SYT1: variants seen among roughly 807,000 people sequenced by gnomAD.
SYT1 encodes the protein synaptotagmin 1.
Under a neutral mutation model 44.8 loss-of-function variants are expected in SYT1, and 8 were observed. The ratio of observed to expected loss-of-function variants is 0.18; its 90% CI spans 0.10 to 0.32. SYT1 has a LOEUF of 0.32. Among genes scored for constraint, SYT1 ranks in the 10% least tolerant of loss-of-function variants. The pLI is 1.00. For synonymous variants in SYT1, 154 were observed against 188.8 expected, an observed-to-expected ratio of 0.82 and a Z score of 1.51; for missense variants, 286 against 509.3, an observed-to-expected ratio of 0.56 and a Z score of 4.22.
intron 9 of SYT1, among the ~76,000 whole-genome samples, chr12:79,409,664 G>A (rs1452236720): frequency 6.6e-6 from 1 of 152,032 alleles, no homozygotes; most frequent in Admixed American, 6.6e-5. Context: ...TTACTTTGCT[G>A]CCTTGATCAT....
intron 2 of SYT1, among the ~76,000 whole-genome samples, chr12:78,994,254 G>A (rs1416247268): frequency 1.3e-5 from 2 of 152,130 alleles, no homozygotes; most frequent in Non-Finnish European, 2.9e-5. Context: ...AAGCACTTAA[G>A]TGAGCCTTTA....
chr12:78,986,536 A>G (rs1001092051), intron 2 of SYT1, among the ~76,000 whole-genome samples: 2 of 151,980 alleles, frequency 1.3e-5, no homozygotes, highest in Non-Finnish European at 2.9e-5. Context: ...ATTAACAATT[A>G]TATCTCCAAA....
Position 79,296,144 on chromosome 12 carries a change from G to T in SYT1, c.550G>T (p.Val184Leu). 3.1e-6 allele frequency: 5 copies of T among 1,614,094 alleles called. No homozygotes were observed. Among genetic ancestry groups the T allele is most frequent in the Non-Finnish European group, 4.2e-6 (5 of 1,179,990 alleles). Residue 184 changes from valine (V) to leucine (L), a missense_variant, in exon 7 of 11, where the codon GTG becomes TTG. Physicochemically the swap from Val to Leu is conservative, Grantham distance 32. Around this residue, in one of 6 missense-constraint regions of SYT1, gnomAD observed 81 missense variants for 164.9 expected, o/e 0.49. Coordinates refer to ENST00000261205, the MANE Select transcript of SYT1 (RefSeq NM_005639.3). Reference protein sequence around the residue: ...MGGTSDPYVKVFLLPDKKKKF... With the variant: ...MGGTSDPYVKLFLLPDKKKKF... Reference sequence around the variant, plus strand: ...GGGCACATCTGATCCTTACGTGAAAGTGTTTCTGCTACCTGATAAGAAGAA... The same window carrying T: ...GGGCACATCTGATCCTTACGTGAAATTGTTTCTGCTACCTGATAAGAAGAA...
chr12:79,121,004 C>T lies in SYT1; in HGVS notation c.-18+73642C>T, dbSNP rs1454639930. On this transcript the variant is annotated intron_variant, in intron 3 of 10. Coordinates refer to ENST00000261205, the MANE Select transcript of SYT1 (RefSeq NM_005639.3). ...ATATATATATACACACACACATATT[C>T]GTGTACATATATACACACATATTTG... Among the ~76,000 whole-genome samples the T allele has an allele frequency of 4.0e-5, 6 of 150,574 alleles. 1 individual carries two copies. The highest frequency in any genetic ancestry group is 4.2e-4 in the South Asian group (2 of 4,762).
intron 8 of SYT1, among the ~76,000 whole-genome samples, chr12:79,304,499 G>A (rs1256894020): frequency 6.6e-6 from 1 of 152,142 alleles, no homozygotes; most frequent in Non-Finnish European, 1.5e-5. Flanking sequence ...TTTTGAAAAT[G>A]ATAATAGATT....
intron 1 of SYT1, among the ~76,000 whole-genome samples, chr12:78,884,922 C>T (rs1191741209): frequency 6.6e-6 from 1 of 151,754 alleles, no homozygotes; most frequent in African/African-American, 2.4e-5. Context: ...ATACCAGGTG[C>T]TATTTTAACT....
At chr12:79,357,234 C>T (rs771060029) in intron 9 of SYT1, among the ~76,000 whole-genome samples, 1 of 152,206 alleles carries the variant, frequency 6.6e-6, no homozygotes, top group Non-Finnish European at 1.5e-5. Context: ...TCATACTTTA[C>T]AGTGACAAGC....
chr12:79,329,605 A>G (rs1881766704), intron 8 of SYT1, among the ~76,000 whole-genome samples: 1 of 152,124 alleles, frequency 6.6e-6, no homozygotes, highest in Admixed American at 6.5e-5. Flanking sequence ...AATCCTCACA[A>G]CCAGGTGAGA....
chr12:79,208,302 G>A (rs1874244079), intron 3 of SYT1, among the ~76,000 whole-genome samples: 1 of 152,042 alleles, frequency 6.6e-6, no homozygotes, highest in African/African-American at 2.4e-5. Context: ...GAAACTCGTG[G>A]GCTGCTTTAA....
chr12:78,893,543 T>C (rs1039420146), intron 1 of SYT1, among the ~76,000 whole-genome samples: 2 of 151,704 alleles, frequency 1.3e-5, no homozygotes, highest in Non-Finnish European at 2.9e-5. Flanking sequence ...ACTCATGAAG[T>C]CTGAACTATA....
At chr12:79,111,671 G>C (rs181539435) in intron 3 of SYT1, among the ~76,000 whole-genome samples, 2 of 151,596 alleles carry the variant, frequency 1.3e-5, no homozygotes, top group African/African-American at 2.4e-5. Context: ...CCTATGGTGA[G>C]TATTTAAATA....
intron 2 of SYT1, among the ~76,000 whole-genome samples, chr12:79,042,244 C>T (rs1873640885): frequency 6.6e-6 from 1 of 151,782 alleles, no homozygotes; most frequent in Admixed American, 6.6e-5. Flanking sequence ...GGCTGTGAAT[C>T]CATCTGGTCC....
At chr12:79,261,714 A>G (rs1043048521) in intron 4 of SYT1, among the ~76,000 whole-genome samples, 9 of 152,210 alleles carry the variant, frequency 5.9e-5, no homozygotes, top group Non-Finnish European at 1.3e-4. Flanking sequence ...CTGTGTGCCA[A>G]GTATTCATAG....
At chr12:78,949,143 T>C (rs928636612) in intron 1 of SYT1, among the ~76,000 whole-genome samples, 3 of 151,630 alleles carry the variant, frequency 2.0e-5, no homozygotes, top group African/African-American at 7.3e-5. Context: ...AGGAAAGAAA[T>C]GGTATACCTC....
chr12:79,316,104 G>A (rs1481747235), intron 8 of SYT1, among the ~76,000 whole-genome samples: 1 of 152,184 alleles, frequency 6.6e-6, no homozygotes, highest in Non-Finnish European at 1.5e-5. Flanking sequence ...GCTATACACA[G>A]TGTAACACCA....
chr12:79,449,955 T>TGTGTGTGC lies in SYT1; in HGVS notation c.*834_*835insTGTGCGTG, dbSNP rs1226802671. The TGTGTGTGC allele has an allele frequency of 1.3e-5, 2 of 150,940 alleles. No homozygotes were observed. The highest frequency in any genetic ancestry group is 4.9e-5 in the African/African-American group (2 of 40,404). The allele number at this position is 150,940 out of a possible 1,614,324, so 9.4% of individuals were successfully genotyped here. ...GTGTGTGTGTGTGTGTGTGTGTGTG[T>TGTGTGTGC]GTGCACATTTGTTTGGGGATGGGGG... On this transcript the variant is annotated 3_prime_UTR_variant, in exon 11 of 11. Coordinates refer to ENST00000261205, the MANE Select transcript of SYT1 (RefSeq NM_005639.3).
intron 3 of SYT1, among the ~76,000 whole-genome samples, chr12:79,203,699 G>A (rs538516677): frequency 2.2e-4 from 33 of 152,264 alleles, no homozygotes; most frequent in African/African-American, 7.7e-4. Context: ...CCAACACACT[G>A]TTAGGTAAAC....
chr12:79,088,110 A>G (rs1426181735), intron 3 of SYT1, among the ~76,000 whole-genome samples: 1 of 152,092 alleles, frequency 6.6e-6, no homozygotes, highest in African/African-American at 2.4e-5. Context: ...AAAAAATGAG[A>G]TTAATATGTT....
chr12:79,334,589 A>G (rs1316535500), intron 8 of SYT1, among the ~76,000 whole-genome samples: 2 of 152,212 alleles, frequency 1.3e-5, no homozygotes, highest in East Asian at 1.9e-4. Context: ...GCACAAGAAC[A>G]TGGTGCAATC....
Sources: allele counts gnomAD v4.1 joint callset (sites outside exome capture counted in the v4.1 genomes callset), GRCh38; gene constraint gnomAD v4.1.1; regional missense constraint gnomAD v4.1.1; transcripts MANE v1.5; gene names NCBI Gene and HGNC (gene_info 2026-07-23, HGNC 2026-07-21).